Variants in SH3GL2 observed in about 807,000 individuals in gnomAD.
The protein encoded by SH3GL2 is endophilin-A1.
In SH3GL2, 24 loss-of-function variants were observed where a neutral mutation model predicts 46.0. The ratio of observed to expected loss-of-function variants is 0.52; its 90% CI spans 0.38 to 0.73. SH3GL2 has a LOEUF of 0.73. Among genes scored for constraint, SH3GL2 ranks in the 30% least tolerant of loss-of-function variants. The pLI is 0.00. For synonymous variants in SH3GL2, 196 were observed against 147.1 expected, an observed-to-expected ratio of 1.33 and a Z score of -2.40; for missense variants, 413 against 424.2, an observed-to-expected ratio of 0.97 and a Z score of 0.23.
At chr9:17,755,136 A>C (rs1309774930) in intron 2 of SH3GL2, among the ~76,000 whole-genome samples, 2 of 152,124 alleles carry the variant, frequency 1.3e-5, no homozygotes, top group East Asian at 3.8e-4. Flanking sequence ...CATATATGGC[A>C]CTTATTGTTT....
intron 1 of SH3GL2, among the ~76,000 whole-genome samples, chr9:17,734,199 C>T (rs922485413): frequency 2.6e-5 from 4 of 152,070 alleles, no homozygotes; most frequent in Non-Finnish European, 5.9e-5. Flanking sequence ...TGCCCTCAAC[C>T]CTTTAATTTA....
chr9:17,583,312 A>G (rs1028594), intron 1 of SH3GL2, among the ~76,000 whole-genome samples: 45,636 of 152,106 alleles, frequency 0.3, 7,399 homozygotes, highest in East Asian at 0.52. Flanking sequence ...TTGACTGCCA[A>G]TGTGACAGTA....
chr9:17,785,771 A>T (rs529742389), intron 3 of SH3GL2, among the ~76,000 whole-genome samples: 2 of 152,188 alleles, frequency 1.3e-5, no homozygotes, highest in Non-Finnish European at 2.9e-5. Context: ...TTCTCTAGTT[A>T]TGTGCTGGAG....
intron 1 of SH3GL2, among the ~76,000 whole-genome samples, chr9:17,627,449 C>T (rs1460157955): frequency 6.6e-6 from 1 of 152,092 alleles, no homozygotes; most frequent in Non-Finnish European, 1.5e-5. Flanking sequence ...AAACTGTGAC[C>T]TTCTTGGCTA....
chr9:17,686,979 C>G (rs1007382992), intron 1 of SH3GL2, among the ~76,000 whole-genome samples: 7 of 151,604 alleles, frequency 4.6e-5, no homozygotes, highest in African/African-American at 7.3e-5. Flanking sequence ...ACAGTGGAAT[C>G]TTTGCAAAAC....
intron 1 of SH3GL2, among the ~76,000 whole-genome samples, chr9:17,606,338 G>A (rs1457055962): frequency 2.0e-5 from 3 of 152,054 alleles, no homozygotes; most frequent in Admixed American, 2.0e-4. Flanking sequence ...TGATCCGCCC[G>A]CCTTGGCCTC....
At chr9:17,659,079 T>C (rs1820154292) in intron 1 of SH3GL2, among the ~76,000 whole-genome samples, 1 of 152,128 alleles carries the variant, frequency 6.6e-6, no homozygotes, top group African/African-American at 2.4e-5. Context: ...TGGTACTTCC[T>C]AGGGAATTAA....
chr9:17,789,471 A>C lies in SH3GL2; in HGVS notation c.545A>C (p.Glu182Ala). 6.2e-7 allele frequency: 1 copy of C among 1,613,496 alleles called. No individual in the cohort carries two copies. ...CGACAAGGCAAGATTCCGGATGAAG[A>C]GCTTCGTCAAGCTCTAGAGAAATTT... ...KKRQGKIPDE[E>A]LRQALEKFDE... The change falls in exon 6 of 9, where the codon GAG becomes GCG. Residue 182 changes from glutamate (E) to alanine (A), a missense_variant. This residue lies in a region of SH3GL2 where 248 missense variants were observed against 215.0 expected (regional missense o/e 1.15). Coordinates refer to ENST00000380607, the MANE Select transcript of SH3GL2 (RefSeq NM_003026.5).
At chr9:17,727,398 C>G (rs1234811029) in intron 1 of SH3GL2, among the ~76,000 whole-genome samples, 3 of 152,170 alleles carry the variant, frequency 2.0e-5, no homozygotes, top group Admixed American at 2.0e-4. Context: ...GTTACATAGA[C>G]TCCACCTGAC....
intron 1 of SH3GL2, among the ~76,000 whole-genome samples, chr9:17,620,509 C>T (rs1819113662): frequency 6.6e-6 from 1 of 152,114 alleles, no homozygotes; most frequent in African/African-American, 2.4e-5. Context: ...GAGTAATGGG[C>T]TCGCAGACAT....
chr9:17,693,896 C>A (rs1299537194), intron 1 of SH3GL2, among the ~76,000 whole-genome samples: 2 of 152,094 alleles, frequency 1.3e-5, no homozygotes, highest in African/African-American at 4.8e-5. Context: ...AATTTAATTT[C>A]TATTGATAAA....
chr9:17,762,879 C>A (rs1823218225), intron 3 of SH3GL2, among the ~76,000 whole-genome samples: 1 of 152,188 alleles, frequency 6.6e-6, no homozygotes, highest in South Asian at 2.1e-4. Context: ...TGAAAGAGAA[C>A]TGCTCGCCCT....
At chr9:17,639,833 T>G (rs2134640957) in intron 1 of SH3GL2, among the ~76,000 whole-genome samples, 1 of 152,314 alleles carries the variant, frequency 6.6e-6, no homozygotes, top group East Asian at 1.9e-4. Flanking sequence ...ATGTTGAATC[T>G]TAATGAAACT....
chr9:17,642,777 G>C (rs531139822), intron 1 of SH3GL2, among the ~76,000 whole-genome samples: 1 of 152,142 alleles, frequency 6.6e-6, no homozygotes, highest in Non-Finnish European at 1.5e-5. Context: ...TTGAAGTCAG[G>C]TAGCGTGATA....
At chr9:17,777,112 G>A (rs7032215) in intron 3 of SH3GL2, among the ~76,000 whole-genome samples, 137,724 of 152,190 alleles carry the variant, frequency 0.9, 62,507 homozygotes, top group East Asian at 0.99. Context: ...TTACATATTC[G>A]TTGGTTGATC....
chr9:17,680,663 T>G (rs1283256621), intron 1 of SH3GL2, among the ~76,000 whole-genome samples: 1 of 152,210 alleles, frequency 6.6e-6, no homozygotes, highest in East Asian at 1.9e-4. Flanking sequence ...ATTTCTTGCC[T>G]TCTGCTAGCT....
chr9:17,679,352 C>T (rs1820703760), intron 1 of SH3GL2, among the ~76,000 whole-genome samples: 1 of 152,138 alleles, frequency 6.6e-6, no homozygotes, highest in Non-Finnish European at 1.5e-5. Context: ...CTTCACATCC[C>T]TTGTAAGTTG....
intron 1 of SH3GL2, among the ~76,000 whole-genome samples, chr9:17,596,580 T>C (rs1482048111): frequency 2.6e-5 from 4 of 152,122 alleles, no homozygotes; most frequent in Non-Finnish European, 5.9e-5. Context: ...AGTGCCATTC[T>C]AGCAAAAAAA....
chr9:17,633,975 T>C (rs896402700), intron 1 of SH3GL2, among the ~76,000 whole-genome samples: 1 of 152,262 alleles, frequency 6.6e-6, no homozygotes, highest in Non-Finnish European at 1.5e-5. Context: ...TGAATGACCA[T>C]GTCCCTCTTC....
Sources: allele counts gnomAD v4.1 joint callset (sites outside exome capture counted in the v4.1 genomes callset), GRCh38; gene constraint gnomAD v4.1.1; regional missense constraint gnomAD v4.1.1; transcripts MANE v1.5; gene names NCBI Gene and HGNC (gene_info 2026-07-23, HGNC 2026-07-21).